Variants in XKRX observed in about 807,000 individuals in gnomAD.
XKRX encodes XK-related protein 2.
XKRX carries 11 observed loss-of-function variants against 22.4 expected under a neutral mutation model. The ratio of observed to expected loss-of-function variants is 0.49; its 90% confidence interval spans 0.31 to 0.81. The LOEUF is 0.81. Among genes scored for constraint, XKRX ranks in the 40% least tolerant of loss-of-function variants. The pLI, the probability that XKRX is intolerant of heterozygous loss-of-function variation, is 0.05. For missense variants in XKRX, 320 were observed against 336.5 expected (o/e 0.95, Z 0.38); for synonymous variants, 114 against 132.2 (o/e 0.86, Z 0.94).
chrX:100,926,775 GA>G (rs764874962), intron 1 of XKRX, among the ~76,000 whole-genome samples: 1 of 112,186 alleles, frequency 8.9e-6, no homozygotes, highest in African/African-American at 3.2e-5. Context: ...AATCTGAATG[GA>G]AATACTTGAT....
chrX:100,934,329 C>T (rs1337120531), upstream of XKRX, among the ~76,000 whole-genome samples: 1 of 111,618 alleles, frequency 9.0e-6, no homozygotes, highest in East Asian at 2.8e-4. Flanking sequence ...AGGGGACTGG[C>T]AGGTCTGAAA....
At chrX:100,956,380 G>A in the XKRX span, among the ~76,000 whole-genome samples, 3 of 111,624 alleles carry the variant, frequency 2.7e-5, no homozygotes, top group South Asian at 7.7e-4. Context: ...AAAAAATTAT[G>A]ATTTTTTTAA....
Position 100,928,692 on chromosome X carries a change from C to T in XKRX, c.-388G>A, listed in dbSNP as rs2085509157. ...GCGGCTCCTTTCGCAGCCCCTCAGG[C>T]AGGGTGTAGCCGATCTGTCGGGGGC... On this transcript the variant is annotated 5_prime_UTR_variant, in exon 1 of 3. Transcript: ENST00000372956. 1 of 785,459 alleles carries T rather than the reference C, an allele frequency of 1.3e-6. No individual in the cohort carries two copies. The highest frequency in any genetic ancestry group is 7.3e-5 in the Admixed American group (1 of 13,665). The allele number at this position is 785,459 out of a possible 1,213,427, so 64.7% of individuals were successfully genotyped here. A position where few individuals can be genotyped will look rare whatever the true frequency, so the allele number is the denominator to read the frequency against.
At chrX:100,887,724 C>G in the XKRX span, 1 of 711,872 alleles carries the variant, frequency 1.4e-6, no homozygotes, top group South Asian at 2.1e-5. Flanking sequence ...TATTGGCCTC[C>G]GCCACCATAG....
chrX:100,897,639 G>T, the XKRX span, among the ~76,000 whole-genome samples: 1 of 67,404 alleles, frequency 1.5e-5, no homozygotes, highest in African/African-American at 6.5e-5. Flanking sequence ...GTGTGTGTGT[G>T]TTTCCTAGTT....
At chrX:100,894,331 A>T in the XKRX span, among the ~76,000 whole-genome samples, 4 of 112,232 alleles carry the variant, frequency 3.6e-5, no homozygotes, top group African/African-American at 1.3e-4. Flanking sequence ...TCATTTCACA[A>T]TACATACAGA....
chrX:100,891,018 A>G, the XKRX span, among the ~76,000 whole-genome samples: 1 of 111,649 alleles, frequency 9.0e-6, no homozygotes, highest in Admixed American at 9.6e-5. Flanking sequence ...TTAAACCTTT[A>G]TTTTTATTCA....
chrX:100,917,686 G>GAAAGAAAGA (rs1569454769), intron 2 of XKRX, among the ~76,000 whole-genome samples: 6 of 91,973 alleles, frequency 6.5e-5, no homozygotes, highest in African/African-American at 2.7e-4. Context: ...AAGAAAGAAA[G>GAAAGAAAGA]AAAGAAAGAA....
chrX:100,938,506 G>C, the XKRX span, among the ~76,000 whole-genome samples: 2 of 111,197 alleles, frequency 1.8e-5, no homozygotes, highest in East Asian at 2.8e-4. Flanking sequence ...GCATGCTCCT[G>C]TAATCCCAAC....
the XKRX span, among the ~76,000 whole-genome samples, chrX:100,937,506 G>A: frequency 8.9e-6 from 1 of 112,000 alleles, no homozygotes; most frequent in Admixed American, 9.5e-5. Context: ...ACTCCAGAGT[G>A]CCAACTTTTG....
Position 100,914,519 on chromosome X carries a change from G to A in XKRX, c.1169C>T (p.Ala390Val), listed in dbSNP as rs139826522. The A allele has an allele frequency of 6.2e-4, 746 of 1,210,140 alleles. 1 individual carries two copies. In the South Asian group the frequency reaches 0.012, roughly 20 times the overall value. ...CATGAAGCCAATGGAAATCAGATAA[G>A]CAATAATGAGCTGCAAGGCAATCAA... The part of the protein sequence containing the change: ...HSLIALQLII[A>V]YLISIGFMLL... Residue 390 changes from alanine (A) to valine (V), a missense_variant, in exon 3 of 3, where the codon GCT becomes GTT. By Grantham distance (64) the Ala-to-Val change is moderately conservative. Transcript: ENST00000372956.
At chrX:100,957,993 T>G in the XKRX span, among the ~76,000 whole-genome samples, 1 of 111,545 alleles carries the variant, frequency 9.0e-6, no homozygotes, top group Non-Finnish European at 1.9e-5. Context: ...GCGTGCTTGA[T>G]TTGATAGCTT....
At chrX:100,938,306 A>ACT in the XKRX span, among the ~76,000 whole-genome samples, 1 of 111,120 alleles carries the variant, frequency 9.0e-6, no homozygotes, top group East Asian at 2.8e-4. Context: ...GGTATAGTAC[A>ACT]AAGAGCTACA....
chrX:100,911,184 G>T, downstream of XKRX: 2 of 633,928 alleles, frequency 3.2e-6, no homozygotes, highest in East Asian at 6.4e-5. Flanking sequence ...GTTGGAGATG[G>T]CTTTATAAGA....
chrX:100,914,276 G>A lies in XKRX; in HGVS notation c.*62C>T, dbSNP rs1249755229. ...TCTCACCCATGAACCTCATCCTTTC[G>A]TTCAATTTCATGGTTACTCTTGGCA... On this transcript the variant is annotated 3_prime_UTR_variant, in exon 3 of 3. Coordinates refer to ENST00000372956, the MANE Select transcript of XKRX (RefSeq NM_212559.3). 3 of 1,142,546 alleles carry A rather than the reference G, an allele frequency of 2.6e-6. No individual in the cohort carries two copies. The highest frequency in any genetic ancestry group is 5.2e-5 in the Admixed American group (2 of 38,413). The allele number at this position is 1,142,546 out of a possible 1,213,427, so 94.2% of individuals were successfully genotyped here. A position where few individuals can be genotyped will look rare whatever the true frequency, so the allele number is the denominator to read the frequency against.
chrX:100,907,808 T>C, the XKRX span, among the ~76,000 whole-genome samples: 1 of 111,874 alleles, frequency 8.9e-6, no homozygotes, highest in Non-Finnish European at 1.9e-5. Context: ...ATCAATATCT[T>C]ACACTCATAC....
the XKRX span, among the ~76,000 whole-genome samples, chrX:100,941,548 TAAAAA>T: frequency 9.4e-6 from 1 of 105,988 alleles, no homozygotes; most frequent in Admixed American, 1.0e-4. Context: ...GACTCTGTCT[TAAAAA>T]AAAAAAATTA....
chrX:100,926,745 C>T (rs1396808356), intron 1 of XKRX, among the ~76,000 whole-genome samples: 1 of 111,978 alleles, frequency 8.9e-6, no homozygotes, highest in African/African-American at 3.3e-5. Context: ...GGATTAAGTG[C>T]ATTCTTTCCA....
Position 100,917,674 on chromosome X carries a change from A to AAAAGAAAG in XKRX, c.605-2599_605-2592dup, listed in dbSNP as rs1556193930. ...GAAAGAAAGAAAGAAAGAAAGAAAGAAAAGAAAGAAAGAAAGAAAGAAAGA... is the reference window on the plus strand; with the variant it reads ...GAAAGAAAGAAAGAAAGAAAGAAAGAAAAGAAAGAAAGAAAGAAAGAAAGAAAGAAAGA... On this transcript the variant is annotated intron_variant, in intron 2 of 2. Transcript: ENST00000372956. 9.1e-3 allele frequency among the ~76,000 whole-genome samples: 230 copies of AAAAGAAAG among 25,387 alleles called. 3 individuals are homozygous for AAAAGAAAG. The highest frequency in any genetic ancestry group is 0.016 in the Admixed American group (28 of 1,805). The allele number at this position is 25,387 out of a possible 115,157, so 22.0% of individuals were successfully genotyped here. A position where few individuals can be genotyped will look rare whatever the true frequency, so the allele number is the denominator to read the frequency against.
Sources: gnomAD v4.1 joint callset for allele counts (sites outside exome capture counted in the v4.1 genomes callset) on GRCh38, gnomAD v4.1.1 for gene constraint, MANE v1.5 for transcripts, NCBI Gene and HGNC (gene_info 2026-07-23, HGNC 2026-07-21) for gene names.